The following RELL1 variants were observed in gnomAD, a reference collection of about 807,000 sequenced individuals.
The protein encoded by RELL1 is RELT-like protein 1.
Under a neutral mutation model 23.0 loss-of-function variants are expected in RELL1, and 10 were observed. The observed-to-expected ratio is 0.43, with a 90% CI of 0.27 to 0.74. RELL1 has a LOEUF of 0.74. Ranked by LOEUF, RELL1 falls within the 30% of genes least tolerant of loss-of-function variation. RELL1 has a pLI of 0.19. For synonymous variants in RELL1, 146 were observed against 146.8 expected (o/e 0.99, Z 0.04); for missense variants, 315 against 364.4 (o/e 0.86, Z 1.10).
At chr4:37,673,413 A>AAC (rs1033499113) in intron 1 of RELL1, among the ~76,000 whole-genome samples, 4 of 151,492 alleles carry the variant, frequency 2.6e-5, no homozygotes, top group African/African-American at 9.7e-5. Context: ...GCTGGTCCTG[A>AAC]ACTCCTGGCC....
At chr4:37,658,357 G>A (rs1261177523) in intron 1 of RELL1, among the ~76,000 whole-genome samples, 4 of 152,010 alleles carry the variant, frequency 2.6e-5, no homozygotes, top group Non-Finnish European at 4.4e-5. Context: ...CTCCAGAATC[G>A]ATGATATCTG....
downstream of RELL1, among the ~76,000 whole-genome samples, chr4:37,605,863 A>G (rs1213500891): frequency 6.7e-6 from 1 of 148,518 alleles, no homozygotes; most frequent in Non-Finnish European, 1.5e-5. Context: ...AAAAGAAAAG[A>G]AAGAGAAAGG....
At chr4:37,640,834 T>C (rs926935720) in intron 3 of RELL1, among the ~76,000 whole-genome samples, 9 of 152,130 alleles carry the variant, frequency 5.9e-5, no homozygotes, top group African/African-American at 2.2e-4. Flanking sequence ...TTATATAAAG[T>C]AATTTGCCAC....
At chr4:37,587,016 T>A (rs754620801), downstream of RELL1, among the ~76,000 whole-genome samples, 30 of 151,964 alleles carry the variant, frequency 2.0e-4, no homozygotes, top group Admixed American at 6.6e-4. Flanking sequence ...GGGGTGGGTA[T>A]CAGGGATCAA....
chr4:37,596,744 T>A (rs1315103183), intron 6 of RELL1, among the ~76,000 whole-genome samples: 351 of 40,216 alleles, frequency 8.7e-3, no homozygotes, highest in African/African-American at 0.028. Context: ...ATATTTTTTT[T>A]TTTTTTTTTT....
At chr4:37,666,609 A>G (rs1439061583) in intron 1 of RELL1, among the ~76,000 whole-genome samples, 1 of 152,230 alleles carries the variant, frequency 6.6e-6, no homozygotes, top group East Asian at 1.9e-4. Flanking sequence ...GGGATATAAA[A>G]TCAAACATCC....
In RELL1 at chr4:37,686,261, G is replaced by C. The variant is rs755932048; in HGVS notation, c.27C>G (p.Ser9=). The stretch of plus-strand genomic sequence containing the variant: ...CGAAGACAGCAGCGGCTAGGACGGC[G>C]GACCCCGGGAGTGCCCGCGGAGCCA... MAPRALPG[S]AVLAAAVFVG... Residue 9 remains serine, a synonymous_variant, in exon 1 of 7, where the codon TCC becomes TCG. Coordinates refer to ENST00000454158, the MANE Select transcript of RELL1 (RefSeq NM_001085400.2). 1 of 1,562,938 alleles carries C rather than the reference G, an allele frequency of 6.4e-7. No individual in the cohort carries two copies. Among genetic ancestry groups the C allele is most frequent in the East Asian group, 2.4e-5 (1 of 40,834 alleles).
chr4:37,664,789 C>T (rs925321396), intron 1 of RELL1, among the ~76,000 whole-genome samples: 1 of 152,034 alleles, frequency 6.6e-6, no homozygotes, highest in Non-Finnish European at 1.5e-5. Context: ...CAGTGGCCTA[C>T]ATGATATCAC....
intron 6 of RELL1, among the ~76,000 whole-genome samples, chr4:37,592,971 C>T (rs917087904): frequency 2.0e-5 from 3 of 152,156 alleles, no homozygotes; most frequent in Non-Finnish European, 2.9e-5. Context: ...CTGAGCCTTC[C>T]AGCACCTTTA....
intron 6 of RELL1, among the ~76,000 whole-genome samples, chr4:37,604,024 G>A (rs953405563): frequency 1.3e-5 from 2 of 152,026 alleles, no homozygotes; most frequent in African/African-American, 2.4e-5. Flanking sequence ...GTTTTTTCAC[G>A]TTGCCCAGGC....
chr4:37,604,776 G>GACACACACACAC (rs1186865181), intron 6 of RELL1, among the ~76,000 whole-genome samples: 1 of 72,554 alleles, frequency 1.4e-5, no homozygotes, highest in African/African-American at 4.3e-5. Context: ...CACACACACA[G>GACACACACACAC]ACACACACAG....
chr4:37,639,766 G>A (rs142431283), intron 3 of RELL1, among the ~76,000 whole-genome samples: 3 of 152,192 alleles, frequency 2.0e-5, no homozygotes, highest in Non-Finnish European at 4.4e-5. Flanking sequence ...ATTCTCTAGA[G>A]AGGAAAGAAC....
intron 3 of RELL1, among the ~76,000 whole-genome samples, chr4:37,638,770 C>T (rs1016599506): frequency 1.3e-5 from 2 of 152,170 alleles, no homozygotes; most frequent in African/African-American, 4.8e-5. Context: ...TTGCTTCTTA[C>T]ACATCAATAG....
intron 6 of RELL1, among the ~76,000 whole-genome samples, chr4:37,595,227 A>G (rs918457670): frequency 6.6e-6 from 1 of 152,180 alleles, no homozygotes; most frequent in African/African-American, 2.4e-5. Context: ...TAAGTTTCTC[A>G]TATGTATCAG....
rs754150772 is a variant in RELL1 at position 37,638,493 on chromosome 4, C to T, written c.397G>A (p.Val133Ile). The stretch of plus-strand genomic sequence containing the variant: ...TTATCTGCTACCATCGCCTTTAAGA[C>T]ATCAGCATTCGCTAAGGAATAAAAA... ...YIMKNEANAD[V>I]LKAMVADNSL... is the part of the protein sequence containing the mutation. The change falls in exon 4 of 7, where the codon GTC (valine) becomes ATC (isoleucine). Residue 133 changes from valine to isoleucine, a missense_variant. Coordinates refer to ENST00000454158, the MANE Select transcript of RELL1 (RefSeq NM_001085400.2). 37 of 1,611,336 alleles carry T rather than the reference C, an allele frequency of 2.3e-5. No homozygotes were observed. The East Asian group carries it at 3.8e-4, about 17-fold the overall frequency.
chr4:37,641,901 C>A (rs551604352), intron 3 of RELL1, among the ~76,000 whole-genome samples: 9 of 152,316 alleles, frequency 5.9e-5, no homozygotes, highest in African/African-American at 1.9e-4. Flanking sequence ...ATGACCTTAA[C>A]AGTAGGTAGA....
chr4:37,588,139 G>C (rs547661924), downstream of RELL1: 13 of 152,380 alleles, frequency 8.5e-5, no homozygotes, highest in Admixed American at 7.2e-4. Flanking sequence ...GAAAAGCCCA[G>C]CTTGGGGAGG....
chr4:37,612,423 G>C lies in RELL1; in HGVS notation c.*923C>G, dbSNP rs1316024144. Among the ~76,000 whole-genome samples, 1 of 151,558 alleles carries C rather than the reference G, an allele frequency of 6.6e-6. No individual in the cohort carries two copies. The highest frequency in any genetic ancestry group is 1.5e-5 in the Non-Finnish European group (1 of 67,884). On this transcript the variant is annotated 3_prime_UTR_variant, in exon 7 of 7. Coordinates refer to ENST00000454158, the MANE Select transcript of RELL1 (RefSeq NM_001085400.2). ...GGCCGAGGCGGGTAGATCGCCTGAG[G>C]TCAGGAGTTCAAGACCAGCCTGACC...
chr4:37,596,357 G>A (rs532186369), intron 6 of RELL1, among the ~76,000 whole-genome samples: 1 of 152,176 alleles, frequency 6.6e-6, no homozygotes, highest in South Asian at 2.1e-4. Flanking sequence ...GACTTAGGAG[G>A]TCTTGAGTGG....
Sources: allele counts gnomAD v4.1 joint callset (sites outside exome capture counted in the v4.1 genomes callset), GRCh38; gene constraint gnomAD v4.1.1; transcripts MANE v1.5; gene names NCBI Gene and HGNC (gene_info 2026-07-23, HGNC 2026-07-21).